The following MRLN variants were observed in gnomAD, a reference collection of about 807,000 sequenced individuals.
MRLN encodes the protein Linc-RNA activator of myogenesis.
chr10:59,744,330 T>C (rs10993984), intron 1 of MRLN: 23,380 of 155,044 alleles, frequency 0.15, 1,946 homozygotes, highest in East Asian at 0.33. Context: ...GTCTGGGAAC[T>C]GAGGAGTGTC....
intron 1 of MRLN, among the ~76,000 whole-genome samples, chr10:59,748,823 C>T (rs886601920): frequency 2.6e-5 from 4 of 152,224 alleles, no homozygotes; most frequent in African/African-American, 9.6e-5. Context: ...ACCTTCATCA[C>T]CCTCCAACAT....
intron 2 of MRLN, among the ~76,000 whole-genome samples, chr10:59,737,434 C>T (rs920582017): frequency 6.6e-6 from 1 of 152,038 alleles, no homozygotes; most frequent in African/African-American, 2.4e-5. Flanking sequence ...TTCTCTATGC[C>T]AAACTTGCCT....
At chr10:59,741,794 C>T (rs555860166) in intron 1 of MRLN, among the ~76,000 whole-genome samples, 21 of 152,276 alleles carry the variant, frequency 1.4e-4, no homozygotes, top group African/African-American at 5.1e-4. Flanking sequence ...ATCCTCCCTC[C>T]TCAGCTCCTG....
chr10:59,751,132 A>T (rs1476362862), intron 1 of MRLN, among the ~76,000 whole-genome samples: 4 of 152,174 alleles, frequency 2.6e-5, no homozygotes, highest in South Asian at 4.1e-4. Context: ...GATTTCTGAA[A>T]CAAGCTGATT....
chr10:59,746,800 G>C (rs768961175), intron 1 of MRLN, among the ~76,000 whole-genome samples: 3 of 152,186 alleles, frequency 2.0e-5, no homozygotes, highest in Non-Finnish European at 4.4e-5. Context: ...AAATTTAGCT[G>C]AAAGTACAGT....
At chr10:59,748,150 AACTTGGC>A (rs576166547) in intron 1 of MRLN, among the ~76,000 whole-genome samples, 7 of 152,066 alleles carry the variant, frequency 4.6e-5, no homozygotes, top group African/African-American at 1.7e-4. Context: ...AGGCAAGAAA[AACTTGGC>A]ACAGGACGTG....
intron 1 of MRLN, among the ~76,000 whole-genome samples, chr10:59,752,207 A>G (rs1018273536): frequency 6.6e-6 from 1 of 152,224 alleles, no homozygotes; most frequent in Non-Finnish European, 1.5e-5. Context: ...GAAGTCAGAT[A>G]TCGCCTCTAC....
chr10:59,748,849 A>G (rs1391308942), intron 1 of MRLN, among the ~76,000 whole-genome samples: 1 of 152,242 alleles, frequency 6.6e-6, no homozygotes, highest in African/African-American at 2.4e-5. Flanking sequence ...ATTCCAGCCC[A>G]TGTATAACCA....
intron 1 of MRLN, among the ~76,000 whole-genome samples, chr10:59,749,242 C>T (rs935817249): frequency 6.6e-6 from 1 of 152,122 alleles, no homozygotes; most frequent in Non-Finnish European, 1.5e-5. Flanking sequence ...ATATTCATAC[C>T]ACTATTTTCT....
chr10:59,742,895 G>C (rs1340270564), intron 1 of MRLN, among the ~76,000 whole-genome samples: 1 of 151,916 alleles, frequency 6.6e-6, no homozygotes, highest in Non-Finnish European at 1.5e-5. Flanking sequence ...CACCCAGGTA[G>C]TTTATTTTTA....
chr10:59,748,759 A>G (rs1387645955), intron 1 of MRLN, among the ~76,000 whole-genome samples: 1 of 152,212 alleles, frequency 6.6e-6, no homozygotes, highest in East Asian at 1.9e-4. Flanking sequence ...ATTTTCTGAC[A>G]TTTATGATAG....
At chr10:59,740,986 C>T (rs1182555400) in intron 1 of MRLN, among the ~76,000 whole-genome samples, 6 of 151,972 alleles carry the variant, frequency 3.9e-5, no homozygotes, top group Non-Finnish European at 5.9e-5. Flanking sequence ...TTAGTAAAGA[C>T]GGTATTTCAC....
At position 59,749,297 on chromosome 10, in the gene MRLN, A is replaced by G. The variant is rs80126238; in HGVS notation, c.-125+4057T>C. Among the ~76,000 whole-genome samples the G allele has an allele frequency of 7.7e-3, 1,172 of 152,346 alleles. 20 individuals carry two copies. Among genetic ancestry groups the G allele is most frequent in the African/African-American group, 0.027 (1,125 of 41,574 alleles). Reference sequence around the variant, plus strand: ...CCAGAGAGGTTAAGATAGCTGTCCAACGTTACACACGTACTAAGAGGTGAC... The same window carrying G: ...CCAGAGAGGTTAAGATAGCTGTCCAGCGTTACACACGTACTAAGAGGTGAC... On this transcript the variant is annotated intron_variant, in intron 1 of 2. Transcript: ENST00000414264.
At position 59,746,064 on chromosome 10, in the gene MRLN, A is replaced by G. The variant is rs566525557; in HGVS notation, c.-125+7290T>C. Among the ~76,000 whole-genome samples, 3 of 152,338 alleles carry G rather than the reference A, an allele frequency of 2.0e-5. No homozygotes were observed. The East Asian group carries it at 5.8e-4, about 29-fold the overall frequency. ...GGTTAGGACAAAGTACAAAATGAAT[A>G]TACTTTGCAAAGTCCCTTTTTCACT... is the stretch of plus-strand genomic sequence containing the variant. On this transcript the variant is annotated intron_variant, in intron 1 of 2. Transcript: ENST00000414264.
intron 1 of MRLN, among the ~76,000 whole-genome samples, chr10:59,739,964 C>T (rs573872333): frequency 1.6e-4 from 25 of 152,060 alleles, no homozygotes; most frequent in East Asian, 5.8e-4. Context: ...TGGTGGCAGG[C>T]GCCTGTAATC....
At chr10:59,740,582 A>T (rs1451346542) in intron 1 of MRLN, among the ~76,000 whole-genome samples, 1 of 152,172 alleles carries the variant, frequency 6.6e-6, no homozygotes, top group African/African-American at 2.4e-5. Flanking sequence ...AAAAAAATTA[A>T]AAATTTTGAT....
At chr10:59,742,224 T>C (rs1353493347) in intron 1 of MRLN, among the ~76,000 whole-genome samples, 1 of 152,172 alleles carries the variant, frequency 6.6e-6, no homozygotes, top group Non-Finnish European at 1.5e-5. Flanking sequence ...TATAATGGAA[T>C]ATTATATAAT....
At chr10:59,752,413 C>T (rs1466447471) in intron 1 of MRLN, among the ~76,000 whole-genome samples, 1 of 152,180 alleles carries the variant, frequency 6.6e-6, no homozygotes, top group Non-Finnish European at 1.5e-5. Flanking sequence ...GTAAAAGAGA[C>T]TATGATTCTC....
chr10:59,736,725 G>A lies in MRLN; in HGVS notation c.*335C>T, dbSNP rs182302916. Reference sequence around the variant, plus strand: ...GGATTTCTTCAGGTTGCTCAGGCCCGTATCGAACTCCTGCACTCAAGGGAT... The same window carrying A: ...GGATTTCTTCAGGTTGCTCAGGCCCATATCGAACTCCTGCACTCAAGGGAT... On this transcript the variant is annotated 3_prime_UTR_variant, in exon 3 of 3. Coordinates refer to ENST00000414264, the MANE Select transcript of MRLN (RefSeq NM_001304731.2). The A allele has an allele frequency of 3.8e-3, 586 of 154,450 alleles. 4 individuals are homozygous for A. The highest frequency in any genetic ancestry group is 6.2e-3 in the Non-Finnish European group (430 of 69,614). 9.6% of individuals were successfully genotyped at this position (154,450 alleles called of 1,614,324 possible). A position where few individuals can be genotyped will look rare whatever the true frequency, so the allele number is the denominator to read the frequency against.
Sources: allele counts gnomAD v4.1 joint callset (sites outside exome capture counted in the v4.1 genomes callset), GRCh38; gene constraint gnomAD v4.1.1; transcripts MANE v1.5; gene names NCBI Gene and HGNC (gene_info 2026-07-23, HGNC 2026-07-21).